The following ANKRD44 variants were observed in gnomAD, a reference collection of about 807,000 sequenced individuals.
The protein encoded by ANKRD44 is serine/threonine-protein phosphatase 6 regulatory ankyrin repeat subunit B.
ANKRD44 carries 35 observed loss-of-function variants against 116.0 expected under a neutral mutation model. That is an observed-to-expected ratio of 0.30 (90% CI 0.23 to 0.40). The LOEUF is 0.40. Ranked by LOEUF, ANKRD44 falls within the 10% of genes least tolerant of loss-of-function variation. ANKRD44 has a pLI of 1.00. For synonymous variants in ANKRD44, 435 were observed against 461.8 expected (o/e 0.94, Z 0.74); for missense variants, 1,014 against 1,242.6 (o/e 0.82, Z 2.77).
intron 1 of ANKRD44, among the ~76,000 whole-genome samples, chr2:197,269,290 A>C (rs1486203283): frequency 6.8e-6 from 1 of 148,032 alleles, no homozygotes; most frequent in Admixed American, 6.6e-5. Context: ...GAATATGGAG[A>C]TAGGAGCAGT....
At chr2:197,290,534 A>G (rs74815068) in intron 1 of ANKRD44, among the ~76,000 whole-genome samples, 1,548 of 152,290 alleles carry the variant, frequency 0.01, 41 homozygotes, top group East Asian at 0.094. Flanking sequence ...CTCCCTCTGT[A>G]TCATCCCAGC....
chr2:197,140,681 T>C (rs144044064), intron 3 of ANKRD44, among the ~76,000 whole-genome samples: 1 of 152,148 alleles, frequency 6.6e-6, no homozygotes, highest in East Asian at 1.9e-4. Flanking sequence ...TAAACATTTG[T>C]TAAGAGGGTA....
chr2:197,156,713 A>C (rs1316004085), intron 2 of ANKRD44, among the ~76,000 whole-genome samples: 1 of 152,248 alleles, frequency 6.6e-6, no homozygotes, highest in Non-Finnish European at 1.5e-5. Context: ...GTTTCCATCA[A>C]AAGATGAATG....
intron 16 of ANKRD44, among the ~76,000 whole-genome samples, chr2:197,068,577 A>G (rs1314249573): frequency 6.6e-6 from 1 of 152,072 alleles, no homozygotes; most frequent in Non-Finnish European, 1.5e-5. Flanking sequence ...AAGGGCTAAT[A>G]TCCAGAATCT....
intron 1 of ANKRD44, among the ~76,000 whole-genome samples, chr2:197,219,515 C>A (rs906345975): frequency 1.3e-5 from 2 of 151,634 alleles, no homozygotes; most frequent in African/African-American, 4.8e-5. Flanking sequence ...CTGTTACTTG[C>A]GTCCAAAAAA....
At chr2:197,156,282 C>A (rs1207461792) in intron 2 of ANKRD44, among the ~76,000 whole-genome samples, 1 of 151,666 alleles carries the variant, frequency 6.6e-6, no homozygotes, top group East Asian at 1.9e-4. Context: ...GGAGGCGGAG[C>A]TTGCAGCGAG....
intron 2 of ANKRD44, among the ~76,000 whole-genome samples, chr2:197,179,415 T>C (rs116801395): frequency 2.1e-4 from 32 of 152,348 alleles, no homozygotes; most frequent in Non-Finnish European, 4.6e-4. Flanking sequence ...TCTTTCTACC[T>C]AATAATGTGC....
chr2:196,970,945 C>G (rs2075711014), intron 21 of ANKRD44, among the ~76,000 whole-genome samples: 1 of 152,194 alleles, frequency 6.6e-6, no homozygotes, highest in African/African-American at 2.4e-5. Context: ...TCAAGTGATC[C>G]TCCCGCCTCG....
chr2:197,140,730 A>G (rs1404514845), intron 3 of ANKRD44, among the ~76,000 whole-genome samples: 1 of 152,094 alleles, frequency 6.6e-6, no homozygotes, highest in Non-Finnish European at 1.5e-5. Flanking sequence ...ACACATCCCA[A>G]AAAACCCCAA....
intron 1 of ANKRD44, among the ~76,000 whole-genome samples, chr2:197,200,373 G>T (rs2081066048): frequency 6.6e-6 from 1 of 152,104 alleles, no homozygotes; most frequent in East Asian, 1.9e-4. Flanking sequence ...AATGTATTTT[G>T]GAATGACAAA....
At chr2:197,298,743 C>T (rs2083801343) in intron 1 of ANKRD44, among the ~76,000 whole-genome samples, 2 of 151,982 alleles carry the variant, frequency 1.3e-5, no homozygotes, top group Non-Finnish European at 2.9e-5. Flanking sequence ...CATGGTGAAA[C>T]TCATCTCTAC....
intron 1 of ANKRD44, among the ~76,000 whole-genome samples, chr2:197,266,713 C>T (rs1324776614): frequency 1.3e-5 from 2 of 151,652 alleles, no homozygotes; most frequent in East Asian, 1.9e-4. Flanking sequence ...AAACAAACCG[C>T]ACTTCCTACT....
intron 9 of ANKRD44, 81 bp from the exon 10 acceptor site, chr2:197,100,011 C>A (rs2078252772): frequency 4.8e-6 from 6 of 1,259,368 alleles, no homozygotes; most frequent in Non-Finnish European, 6.8e-6. Context: ...TCTCTCGTAT[C>A]AACCAAATGT....
At chr2:197,105,107 G>A (rs1385330449) in intron 9 of ANKRD44, among the ~76,000 whole-genome samples, 1 of 151,312 alleles carries the variant, frequency 6.6e-6, no homozygotes, top group African/African-American at 2.5e-5. Flanking sequence ...TTCTTTTGTT[G>A]TTGTTATTTT....
intron 16 of ANKRD44, among the ~76,000 whole-genome samples, chr2:197,034,050 T>TAGAG (rs60018972): frequency 0.045 from 4,949 of 110,626 alleles, 224 homozygotes; most frequent in African/African-American, 0.049. Context: ...ATATGAGGGC[T>TAGAG]AGAGAGAGAG....
intron 1 of ANKRD44, among the ~76,000 whole-genome samples, chr2:197,264,523 A>G (rs1287994977): frequency 1.3e-5 from 2 of 152,188 alleles, no homozygotes; most frequent in African/African-American, 4.8e-5. Flanking sequence ...TTGAGTTTTT[A>G]GTATCATTTT....
rs541869262 is a variant in ANKRD44, at chr2:197,062,094, T to C, written c.1650+16609A>G. On this transcript the variant is annotated intron_variant, in intron 16 of 27. Coordinates refer to ENST00000282272, the MANE Select transcript of ANKRD44 (RefSeq NM_001195144.2). ...CCACACCCTCCCATGCCTAATATTA[T>C]TTCTGTGTCAGCCATGGTTCCTAGC... Among the ~76,000 whole-genome samples the C allele has an allele frequency of 1.4e-4, 22 of 152,346 alleles. No homozygotes were observed. The South Asian group carries it at 4.6e-3, about 32-fold the overall frequency.
At chr2:197,095,740 C>T (rs2078146282) in intron 10 of ANKRD44, among the ~76,000 whole-genome samples, 2 of 152,100 alleles carry the variant, frequency 1.3e-5, no homozygotes, top group South Asian at 4.2e-4. Context: ...CTTACTTCAC[C>T]TGCAAGATGG....
chr2:197,285,994 T>C (rs2083395732), intron 1 of ANKRD44, among the ~76,000 whole-genome samples: 1 of 152,096 alleles, frequency 6.6e-6, no homozygotes, highest in East Asian at 1.9e-4. Flanking sequence ...TCTGGGTGAG[T>C]CTGACAATGG....
Sources: allele counts gnomAD v4.1 joint callset (sites outside exome capture counted in the v4.1 genomes callset), GRCh38; gene constraint gnomAD v4.1.1; transcripts MANE v1.5; gene names NCBI Gene and HGNC (gene_info 2026-07-23, HGNC 2026-07-21).